The following ZNF90 variants were observed in gnomAD, a reference collection of about 807,000 sequenced individuals.
ZNF90 encodes the protein zinc finger protein 90.
ZNF90 carries 11 observed loss-of-function variants against 12.0 expected under a neutral mutation model. The observed-to-expected ratio is 0.92, with a 90% CI of 0.58 to 1.52. The LOEUF (loss-of-function observed/expected upper bound fraction) is 1.52. ZNF90 is among the 40% of genes most tolerant of loss of function. The pLI, the probability that ZNF90 is intolerant of heterozygous loss-of-function variation, is 0.00. For synonymous variants in ZNF90, 232 were observed against 240.1 expected (o/e 0.97, Z 0.31); for missense variants, 765 against 711.5 (o/e 1.08, Z -0.86).
intron 2 of ZNF90, 101 bp from the exon 3 acceptor site, chr19:20,105,120 T>C (rs2089023603): frequency 1.3e-6 from 1 of 761,212 alleles, no homozygotes; most frequent in Non-Finnish European, 1.9e-6. Context: ...TATTTTGGAA[T>C]TTACTAGACT....
chr19:20,100,789 C>T (rs1555703788), intron 1 of ZNF90, among the ~76,000 whole-genome samples: 1 of 152,142 alleles, frequency 6.6e-6, no homozygotes, highest in Non-Finnish European at 1.5e-5. Flanking sequence ...AAACATGGGA[C>T]TTGTAACTCA....
At chr19:20,110,634 T>C (rs2089080766) in intron 3 of ZNF90, among the ~76,000 whole-genome samples, 1 of 152,226 alleles carries the variant, frequency 6.6e-6, no homozygotes, top group South Asian at 2.1e-4. Context: ...AATGGCTGTA[T>C]CTTTGTTTTC....
intron 3 of ZNF90, among the ~76,000 whole-genome samples, chr19:20,109,453 A>G (rs1277324173): frequency 6.6e-6 from 1 of 152,148 alleles, no homozygotes; most frequent in Admixed American, 6.5e-5. Flanking sequence ...TGAGAGAAAC[A>G]CTTTTGTGAT....
At chr19:20,088,975 T>C (rs563498963) in intron 1 of ZNF90, among the ~76,000 whole-genome samples, 1 of 152,246 alleles carries the variant, frequency 6.6e-6, no homozygotes, top group Admixed American at 6.5e-5. Context: ...TAAGGAAGAC[T>C]AGTGTACATG....
Position 20,117,044 on chromosome 19 carries a change from T to TGAGA in ZNF90, c.227-736_227-735insAGAG, listed in dbSNP as rs1329078264. On this transcript the variant is annotated intron_variant, in intron 3 of 3. Transcript: ENST00000418063. ...GTGTGTGTGTGTGTGTGTGTGTGTGTGTGAGAGAGAGAGAGAGAGACAGAA... is the reference window on the plus strand; with the variant it reads ...GTGTGTGTGTGTGTGTGTGTGTGTGTGAGAGTGAGAGAGAGAGAGAGAGACAGAA... Among the ~76,000 whole-genome samples, 10 of 145,660 alleles carry TGAGA rather than the reference T, an allele frequency of 6.9e-5. No homozygotes were observed. The East Asian group carries it at 1.6e-3, about 23-fold the overall frequency.
intron 1 of ZNF90, among the ~76,000 whole-genome samples, chr19:20,089,004 G>A (rs2122483350): frequency 6.6e-6 from 1 of 152,274 alleles, no homozygotes; most frequent in South Asian, 2.1e-4. Flanking sequence ...CAATTAGCAG[G>A]TAGACACATG....
rs540431512 is a variant in ZNF90, at chr19:20,118,225, C to G, written c.671C>G (p.Thr224Ser). The G allele has an allele frequency of 8.1e-6, 13 of 1,602,380 alleles. No homozygotes were observed. The South Asian group carries it at 1.4e-4, about 18-fold the overall frequency. Residue 224 changes from threonine (T) to serine (S), a missense_variant, in exon 4 of 4, where the codon ACT (threonine) becomes AGT (serine). Coordinates refer to ENST00000418063, the MANE Select transcript of ZNF90 (RefSeq NM_007138.2). ...SHLTSHKRIH[T>S]GEKRYKCEDC... ...CTTACTTCACATAAGAGAATTCATA[C>G]TGGAGAGAAACGGTACAAATGTGAA...
At chr19:20,093,009 G>A (rs1383184589) in intron 1 of ZNF90, among the ~76,000 whole-genome samples, 1 of 152,240 alleles carries the variant, frequency 6.6e-6, no homozygotes. Context: ...GCCCAGGTAA[G>A]CTGCTGGGAC....
Position 20,120,936 on chromosome 19 carries a change from T to G in ZNF90, c.*1576T>G, listed in dbSNP as rs2089189627. ...TACAGATTCTTTATTGGGCATTCCTTATAACCTTTTCTATTAAAGAGAAAG... is the reference window on the plus strand; with the variant it reads ...TACAGATTCTTTATTGGGCATTCCTGATAACCTTTTCTATTAAAGAGAAAG... On this transcript the variant is annotated 3_prime_UTR_variant, in exon 4 of 4. Transcript: ENST00000418063. The G allele has an allele frequency of 6.6e-6, 1 of 152,492 alleles. No individual in the cohort carries two copies. The highest frequency in any genetic ancestry group is 1.5e-5 in the Non-Finnish European group (1 of 68,196). The allele number at this position is 152,492 out of a possible 1,614,324, so 9.4% of individuals were successfully genotyped here.
At chr19:20,113,912 A>G (rs1433740040) in intron 3 of ZNF90, among the ~76,000 whole-genome samples, 1 of 152,204 alleles carries the variant, frequency 6.6e-6, no homozygotes, top group Non-Finnish European at 1.5e-5. Flanking sequence ...TTTGAAGATA[A>G]TTTCAAAACA....
intron 1 of ZNF90, among the ~76,000 whole-genome samples, chr19:20,091,176 G>T (rs944121860): frequency 2.0e-5 from 3 of 152,136 alleles, no homozygotes; most frequent in African/African-American, 7.2e-5. Context: ...TTTCTGACTC[G>T]AGGCATGTGA....
chr19:20,117,397 C>CCTTCCTTCCTTCCTTCCT (rs2089148258), intron 3 of ZNF90, among the ~76,000 whole-genome samples: 2 of 91,340 alleles, frequency 2.2e-5, no homozygotes, highest in African/African-American at 1.4e-4. Context: ...CTTTTCTTTT[C>CCTTCCTTCCTTCCTTCCT]TCCTTCCTTC....
rs2089178781 is a variant in ZNF90 at position 20,119,611 on chromosome 19, A to C, written c.*251A>C. ...GAAAAATGCAGCAAAGCCTATAACA[A>C]GTTCTCAATTCTTTTTTTTTTTTTT... On this transcript the variant is annotated 3_prime_UTR_variant, in exon 4 of 4. Transcript: ENST00000418063. 5.4e-6 allele frequency: 2 copies of C among 372,834 alleles called. No individual in the cohort carries two copies. The highest frequency in any genetic ancestry group is 9.3e-5 in the East Asian group (2 of 21,582). The allele number at this position is 372,834 out of a possible 1,614,324, so 23.1% of individuals were successfully genotyped here.
At position 20,116,148 on chromosome 19, in the gene ZNF90, C is replaced by T. The variant is rs1252713195; in HGVS notation, c.227-1633C>T. ...TCAGGCTCCTAAATTGCTGGTATTA[C>T]AGGCGTGAACCACTGTGCCCAGCAT... is the stretch of plus-strand genomic sequence containing the variant. On this transcript the variant is annotated intron_variant, in intron 3 of 3. Coordinates refer to ENST00000418063, the MANE Select transcript of ZNF90 (RefSeq NM_007138.2). Among the ~76,000 whole-genome samples, 5 of 152,232 alleles carry T rather than the reference C, an allele frequency of 3.3e-5. No individual in the cohort carries two copies. The East Asian group carries it at 7.7e-4, about 24-fold the overall frequency.
At position 20,118,191 on chromosome 19, in the gene ZNF90, T is replaced by A; in HGVS notation, c.637T>A (p.Ser213Thr). The A allele has an allele frequency of 6.2e-7, 1 of 1,612,410 alleles. No homozygotes were observed. Among genetic ancestry groups the A allele is most frequent in the Non-Finnish European group, 8.5e-7 (1 of 1,179,094 alleles). The stretch of plus-strand genomic sequence containing the variant: ...AGAATGTGGCAAAGCCTTCAACAGG[T>A]CCTCACACCTTACTTCACATAAGAG... ...CEECGKAFNR[S>T]SHLTSHKRIH... Residue 213 changes from serine to threonine, a missense_variant, in exon 4 of 4, where the codon TCC becomes ACC. By Grantham distance (58) the Ser-to-Thr change is moderately conservative. Transcript: ENST00000418063.
chr19:20,113,374 G>A (rs1170772157), intron 3 of ZNF90, among the ~76,000 whole-genome samples: 1 of 151,940 alleles, frequency 6.6e-6, no homozygotes, highest in Non-Finnish European at 1.5e-5. Context: ...TCATACTTTA[G>A]TAGAGACAGG....
intron 1 of ZNF90, chr19:20,087,286 AAAT>A (rs1555702204): frequency 6.6e-6 from 1 of 152,292 alleles, no homozygotes; most frequent in African/African-American, 2.4e-5. Flanking sequence ...TTTTTTCTCA[AAAT>A]AATCTTGCTC....
Position 20,119,681 on chromosome 19 carries a change from C to A in ZNF90, c.*321C>A. The A allele has an allele frequency of 4.4e-6, 1 of 229,860 alleles. No homozygotes were observed. Among genetic ancestry groups the A allele is most frequent in the Non-Finnish European group, 8.5e-6 (1 of 117,896 alleles). The allele number at this position is 229,860 out of a possible 1,614,324, so 14.2% of individuals were successfully genotyped here. A position where few individuals can be genotyped will look rare whatever the true frequency, so the allele number is the denominator to read the frequency against. On this transcript the variant is annotated 3_prime_UTR_variant, in exon 4 of 4. Transcript: ENST00000418063. ...TCTCACCCAGCCTGGAGTGCAATGG[C>A]ACGATCTCTGCTCACTGCAACCTCT...
intron 1 of ZNF90, among the ~76,000 whole-genome samples, chr19:20,092,090 G>C (rs1199699992): frequency 6.6e-6 from 1 of 152,152 alleles, no homozygotes; most frequent in Non-Finnish European, 1.5e-5. Context: ...ATGAGGGTCA[G>C]GTGTGGTATC....
Sources: allele counts gnomAD v4.1 joint callset (sites outside exome capture counted in the v4.1 genomes callset), GRCh38; gene constraint gnomAD v4.1.1; transcripts MANE v1.5; gene names NCBI Gene and HGNC (gene_info 2026-07-23, HGNC 2026-07-21).